FAM227B: variants seen among roughly 807,000 people sequenced by gnomAD.
FAM227B encodes protein FAM227B.
A neutral mutation model predicts 73.8 loss-of-function variants in FAM227B; 88 were observed. The ratio of observed to expected loss-of-function variants is 1.19; its 90% CI spans 1.00 to 1.42. FAM227B has a LOEUF of 1.42. FAM227B is among the 40% of genes most tolerant of loss of function. The pLI, the probability that FAM227B is intolerant of heterozygous loss-of-function variation, is 0.00. For missense variants in FAM227B, 632 were observed against 590.9 expected (o/e 1.07, Z -0.72); for synonymous variants, 210 against 190.5 (o/e 1.10, Z -0.84).
At position 49,594,940 on chromosome 15, in the gene FAM227B, GT is replaced by G. The variant is rs754102029; in HGVS notation, c.106-4934del. The stretch of plus-strand genomic sequence containing the variant: ...TTGGTTACATATAAATTTTAGGACT[GT>G]TTTTTCTAGTTCTGTGAAGAATGAT... On this transcript the variant is annotated intron_variant, in intron 3 of 15. Transcript: ENST00000299338. Among the ~76,000 whole-genome samples the G allele has an allele frequency of 2.6e-5, 4 of 151,988 alleles. No individual in the cohort carries two copies. In the East Asian group the frequency reaches 5.8e-4, roughly 22 times the overall value.
chr15:49,574,358 G>A (rs1210941985), intron 8 of FAM227B, among the ~76,000 whole-genome samples: 4 of 152,080 alleles, frequency 2.6e-5, no homozygotes, highest in Non-Finnish European at 5.9e-5. Context: ...CCCACATGTC[G>A]AGGGAGGGAC....
At chr15:49,494,907 A>T (rs2057462477) in intron 11 of FAM227B, among the ~76,000 whole-genome samples, 1 of 152,226 alleles carries the variant, frequency 6.6e-6, no homozygotes, top group Non-Finnish European at 1.5e-5. Context: ...CAGAATAATA[A>T]GCACACCTCA....
rs56097665 is a variant in FAM227B, at chr15:49,479,599, G to GTTTTTTT, written c.1012+28605_1012+28611dup. On this transcript the variant is annotated intron_variant, in intron 11 of 15. Coordinates refer to ENST00000299338, the MANE Select transcript of FAM227B (RefSeq NM_152647.3). ...GTAGGATTTCATAGTTAATACCTCT[G>GTTTTTTT]TTTTTTTTTTTTTTTTTTTTTTTTT... Among the ~76,000 whole-genome samples the GTTTTTTT allele has an allele frequency of 1.3e-3, 82 of 63,318 alleles. 10 individuals carry two copies. The highest frequency in any genetic ancestry group is 4.8e-3 in the African/African-American group (76 of 15,938). 41.5% of individuals were successfully genotyped at this position (63,318 alleles called of 152,430 possible). A position where few individuals can be genotyped will look rare whatever the true frequency, so the allele number is the denominator to read the frequency against.
At chr15:49,481,999 T>C (rs2055991626) in intron 11 of FAM227B, among the ~76,000 whole-genome samples, 1 of 152,104 alleles carries the variant, frequency 6.6e-6, no homozygotes, top group African/African-American at 2.4e-5. Flanking sequence ...AATAAGAGAA[T>C]GAAGTGAAGG....
chr15:49,380,782 G>T (rs1017536237), intron 11 of FAM227B, among the ~76,000 whole-genome samples: 2 of 151,552 alleles, frequency 1.3e-5, no homozygotes, highest in African/African-American at 4.9e-5. Context: ...CCTCTGAATT[G>T]GATTTGATTT....
At chr15:49,551,504 G>C (rs1301081682) in intron 9 of FAM227B, among the ~76,000 whole-genome samples, 1 of 152,232 alleles carries the variant, frequency 6.6e-6, no homozygotes, top group Admixed American at 6.5e-5. Context: ...TAGGTGAAGT[G>C]TGTTTTTTGT....
chr15:49,407,490 G>A (rs1309082623), intron 11 of FAM227B, among the ~76,000 whole-genome samples: 1 of 151,996 alleles, frequency 6.6e-6, no homozygotes, highest in Non-Finnish European at 1.5e-5. Context: ...CTCGGTGGCA[G>A]CTGTTCCACC....
At chr15:49,511,978 A>C (rs1208616118) in intron 10 of FAM227B, among the ~76,000 whole-genome samples, 1 of 152,018 alleles carries the variant, frequency 6.6e-6, no homozygotes, top group Non-Finnish European at 1.5e-5. Context: ...AGTGATCACA[A>C]TGCCTCTCCA....
chr15:49,612,626 C>T (rs1403294010), intron 2 of FAM227B, among the ~76,000 whole-genome samples: 2 of 151,980 alleles, frequency 1.3e-5, no homozygotes, highest in East Asian at 1.9e-4. Flanking sequence ...GAATGAAAAT[C>T]CAGTGAGAAG....
chr15:49,351,481 A>G (rs2042233307), intron 13 of FAM227B, among the ~76,000 whole-genome samples: 1 of 152,228 alleles, frequency 6.6e-6, no homozygotes, highest in South Asian at 2.1e-4. Context: ...GTTTTTAAAA[A>G]TCTGCTTCCA....
intron 10 of FAM227B, among the ~76,000 whole-genome samples, chr15:49,520,323 A>G (rs936010012): frequency 1.3e-5 from 2 of 152,162 alleles, no homozygotes; most frequent in African/African-American, 4.8e-5. Context: ...AGTCTCCAGG[A>G]AGTTCCAAAC....
At chr15:49,437,566 T>C (rs1051267946) in intron 11 of FAM227B, among the ~76,000 whole-genome samples, 9 of 151,688 alleles carry the variant, frequency 5.9e-5, no homozygotes, top group African/African-American at 2.2e-4. Context: ...TGTTTCTCAA[T>C]ATTTTTCTGA....
chr15:49,614,119 TTTAAA>T (rs1393493603), intron 2 of FAM227B, among the ~76,000 whole-genome samples: 1 of 152,172 alleles, frequency 6.6e-6, no homozygotes, highest in Non-Finnish European at 1.5e-5. Flanking sequence ...AATATGCACA[TTTAAA>T]TTAAAGGGAA....
chr15:49,567,169 C>A (rs1368263680), intron 9 of FAM227B, among the ~76,000 whole-genome samples: 1 of 152,108 alleles, frequency 6.6e-6, no homozygotes, highest in Non-Finnish European at 1.5e-5. Flanking sequence ...GCAGAAACAG[C>A]TGTTTTTGTG....
chr15:49,575,549 C>G (rs1053207691), intron 7 of FAM227B, among the ~76,000 whole-genome samples: 3 of 151,756 alleles, frequency 2.0e-5, no homozygotes, highest in African/African-American at 7.3e-5. Flanking sequence ...TTTTTAATAA[C>G]TAAATCAAAT....
intron 11 of FAM227B, among the ~76,000 whole-genome samples, chr15:49,390,867 C>A (rs2047169866): frequency 6.6e-6 from 1 of 151,900 alleles, no homozygotes; most frequent in Non-Finnish European, 1.5e-5. Flanking sequence ...CTTTGCCATA[C>A]CTTTCAGTTA....
intron 1 of FAM227B, among the ~76,000 whole-genome samples, chr15:49,615,700 G>C (rs1026401943): frequency 1.3e-5 from 2 of 152,136 alleles, no homozygotes; most frequent in Non-Finnish European, 2.9e-5. Context: ...CCCAGTCTCT[G>C]GTAGTTCTTT....
At chr15:49,494,262 C>CACAG (rs902092614) in intron 11 of FAM227B, among the ~76,000 whole-genome samples, 2 of 141,504 alleles carry the variant, frequency 1.4e-5, no homozygotes, top group Non-Finnish European at 3.1e-5. Context: ...CACAAACACA[C>CACAG]ACACACACAC....
At position 49,449,557 on chromosome 15, in the gene FAM227B, G is replaced by A. The variant is rs78546262; in HGVS notation, c.1012+58654C>T. On this transcript the variant is annotated intron_variant, in intron 11 of 15. Coordinates refer to ENST00000299338, the MANE Select transcript of FAM227B (RefSeq NM_152647.3). ...CACAGGGTGGGGCCAGAATCAGCAA[G>A]ATTACTGCCTCCTTGGCAACCTTAT... Among the ~76,000 whole-genome samples the A allele has an allele frequency of 1.6e-3, 236 of 152,052 alleles. 7 individuals carry two copies. The East Asian group carries it at 0.04, about 26-fold the overall frequency.
Sources: gnomAD v4.1 joint callset for allele counts (sites outside exome capture counted in the v4.1 genomes callset) on GRCh38, gnomAD v4.1.1 for gene constraint, MANE v1.5 for transcripts, NCBI Gene and HGNC (gene_info 2026-07-23, HGNC 2026-07-21) for gene names.